Variants in STIL observed in about 807,000 individuals in gnomAD.
STIL encodes the protein SCL-interrupting locus protein.
In STIL, 55 loss-of-function variants were observed where a neutral mutation model predicts 110.1. That is an observed-to-expected ratio of 0.50 (90% CI 0.40 to 0.63). STIL has a LOEUF of 0.63. Ranked by LOEUF, STIL falls within the 20% of genes least tolerant of loss-of-function variation. The pLI, the probability that STIL is intolerant of heterozygous loss-of-function variation, is 0.00. For synonymous variants in STIL, 481 were observed against 530.0 expected (o/e 0.91, Z 1.27); for missense variants, 1,358 against 1,530.0 (o/e 0.89, Z 1.87).
intron 2 of STIL, among the ~76,000 whole-genome samples, chr1:47,309,085 G>A (rs2149267139): frequency 6.6e-6 from 1 of 151,838 alleles, no homozygotes; most frequent in East Asian, 1.9e-4. Flanking sequence ...AATTAAAAGT[G>A]TACAGTTGGA....
intron 1 of STIL, among the ~76,000 whole-genome samples, chr1:47,313,575 TC>T (rs1205870799): frequency 7.1e-6 from 1 of 141,420 alleles, no homozygotes. Context: ...GAATGTCACT[TC>T]CTCTGTGAAA....
intron 16 of STIL, among the ~76,000 whole-genome samples, chr1:47,255,874 G>A (rs1389133052): frequency 6.6e-6 from 1 of 152,120 alleles, no homozygotes; most frequent in Non-Finnish European, 1.5e-5. Context: ...CAGGAAAATA[G>A]AAAGCAGGTC....
At chr1:47,301,228 C>G (rs1194787759) in intron 5 of STIL, among the ~76,000 whole-genome samples, 1 of 152,062 alleles carries the variant, frequency 6.6e-6, no homozygotes, top group Non-Finnish European at 1.5e-5. Flanking sequence ...AAGACAGGAG[C>G]CACCATGCCC....
intron 14 of STIL, among the ~76,000 whole-genome samples, chr1:47,266,578 G>C (rs1305695058): frequency 6.6e-6 from 1 of 152,108 alleles, no homozygotes; most frequent in Admixed American, 6.5e-5. Flanking sequence ...TGCCTAGCCT[G>C]GTCTTGAATT....
chr1:47,310,307 A>G lies in STIL; in HGVS notation c.13T>C (p.Tyr5His), dbSNP rs1646085213. 3 of 1,613,162 alleles carry G rather than the reference A, an allele frequency of 1.9e-6. No homozygotes were observed. The highest frequency in any genetic ancestry group is 2.2e-5 in the South Asian group (2 of 91,048). Residue 5 changes from tyrosine (Y) to histidine (H), a missense_variant, in exon 2 of 17, where the codon TAT (tyrosine) becomes CAT (histidine). Transcript: ENST00000371877. Reference protein sequence around the residue: MEPIYPFARPQMNTR... With the variant: MEPIHPFARPQMNTR... ...TTCATCTGGGGCCGTGCAAAAGGAT[A>G]TATAGGCTCCATGATGTCTGGTGAA...
At chr1:47,263,501 C>T (rs1644542159) in intron 14 of STIL, among the ~76,000 whole-genome samples, 1 of 152,168 alleles carries the variant, frequency 6.6e-6, no homozygotes, top group Non-Finnish European at 1.5e-5. Flanking sequence ...TATGATTGTA[C>T]CACTGCACTC....
chr1:47,303,512 C>A lies in STIL; in HGVS notation c.153-1166G>T, dbSNP rs1192650762. Among the ~76,000 whole-genome samples the A allele has an allele frequency of 3.3e-5, 5 of 152,142 alleles. No individual in the cohort carries two copies. In the East Asian group the frequency reaches 9.6e-4, roughly 29 times the overall value. ...CATGGGAGGCGGAGGTTGCAGTGAG[C>A]CAACATCACGCCACTGCACTCCAGC... On this transcript the variant is annotated intron_variant, in intron 3 of 16. Coordinates refer to ENST00000371877, the MANE Select transcript of STIL (RefSeq NM_001048166.1).
chr1:47,272,045 T>A, intron 13 of STIL, 31 bp downstream of exon 13: 1 of 1,608,976 alleles, frequency 6.2e-7, no homozygotes, highest in Non-Finnish European at 8.5e-7. Context: ...TTTAACAATT[T>A]CCTTACAAAT....
At position 47,250,406 on chromosome 1, in the gene STIL, T is replaced by C. The variant is rs184977531; in HGVS notation, c.*730A>G. The C allele has an allele frequency of 5.2e-4, 89 of 171,808 alleles. 2 individuals are homozygous for C. The East Asian group carries it at 7.6e-3, about 15-fold the overall frequency. The allele number at this position is 171,808 out of a possible 1,614,324, so 10.6% of individuals were successfully genotyped here. A position where few individuals can be genotyped will look rare whatever the true frequency, so the allele number is the denominator to read the frequency against. The stretch of plus-strand genomic sequence containing the variant: ...GTTTTTATTAAGTTGTTTTTAAAAA[T>C]AACTTTTCCCTTAAACTTAGGAAGG... On this transcript the variant is annotated 3_prime_UTR_variant, in exon 17 of 17. Coordinates refer to ENST00000371877, the MANE Select transcript of STIL (RefSeq NM_001048166.1).
intron 2 of STIL, chr1:47,305,286 C>T (rs1170112183): frequency 6.9e-6 from 2 of 291,470 alleles, no homozygotes; most frequent in Non-Finnish European, 6.4e-6. Flanking sequence ...CCACCACACC[C>T]GGCTACTTTT....
At chr1:47,269,111 C>A (rs903879081) in intron 14 of STIL, among the ~76,000 whole-genome samples, 1 of 150,452 alleles carries the variant, frequency 6.6e-6, no homozygotes, top group Non-Finnish European at 1.5e-5. Flanking sequence ...AAAAAAATTT[C>A]TCCATCTGTA....
intron 7 of STIL, among the ~76,000 whole-genome samples, chr1:47,294,085 G>A (rs1330396649): frequency 6.6e-6 from 1 of 152,198 alleles, no homozygotes; most frequent in Admixed American, 6.5e-5. Flanking sequence ...ATGGTCCAGA[G>A]AACATTCATG....
chr1:47,302,221 A>T lies in STIL; in HGVS notation c.265+13T>A, dbSNP rs375926591. 6.3e-7 allele frequency: 1 copy of T among 1,593,172 alleles called. No homozygotes were observed. The highest frequency in any genetic ancestry group is 2.2e-5 in the East Asian group (1 of 44,784). ...CAGGCGTGAGCACTGGTCCATTTTT[A>T]AAAGTGTATTACCTTCGTCTGCTGT... On this transcript the variant is annotated intron_variant, in intron 4 of 16. Transcript: ENST00000371877.
Position 47,295,930 on chromosome 1 carries a change from C to T in STIL, c.702-82G>A, listed in dbSNP as rs1010453541. 3 of 1,025,892 alleles carry T rather than the reference C, an allele frequency of 2.9e-6. No homozygotes were observed. In the African/African-American group the frequency reaches 4.7e-5, roughly 16 times the overall value. 63.5% of individuals were successfully genotyped at this position (1,025,892 alleles called of 1,614,324 possible). A position where few individuals can be genotyped will look rare whatever the true frequency, so the allele number is the denominator to read the frequency against. On this transcript the variant is annotated intron_variant, in intron 6 of 16. Coordinates refer to ENST00000371877, the MANE Select transcript of STIL (RefSeq NM_001048166.1). The stretch of plus-strand genomic sequence containing the variant: ...GACATAATCTAAATGCTGAAGCATA[C>T]TTTAGAAAGGGGAGATAATTCAAAT...
intron 14 of STIL, among the ~76,000 whole-genome samples, chr1:47,264,743 G>A (rs187653041): frequency 1.2e-3 from 188 of 152,264 alleles, no homozygotes; most frequent in African/African-American, 4.3e-3. Flanking sequence ...AAGGATCCCA[G>A]AGAAGCACCA....
chr1:47,305,839 C>G (rs904381114), intron 2 of STIL, among the ~76,000 whole-genome samples: 23 of 146,674 alleles, frequency 1.6e-4, no homozygotes, highest in African/African-American at 5.5e-4. Context: ...TCAAGTGATC[C>G]TCCCACCTCA....
chr1:47,304,384 A>T (rs1179909500), intron 3 of STIL, among the ~76,000 whole-genome samples: 1 of 152,040 alleles, frequency 6.6e-6, no homozygotes, highest in Non-Finnish European at 1.5e-5. Context: ...TCTTGAAGCT[A>T]GGCTGACTCA....
chr1:47,269,522 C>T lies in STIL; in HGVS notation c.2615+113G>A. ...GTTGGTCTGATTTAATCATTCCATACTGTAAACATGCATCTAAACATTGTG... is the reference window on the plus strand; with the variant it reads ...GTTGGTCTGATTTAATCATTCCATATTGTAAACATGCATCTAAACATTGTG... On this transcript the variant is annotated intron_variant, in intron 14 of 16. Transcript: ENST00000371877. 4.0e-6 allele frequency: 3 copies of T among 751,422 alleles called. No individual in the cohort carries two copies. The South Asian group carries it at 4.9e-5, about 12-fold the overall frequency. 46.5% of individuals were successfully genotyped at this position (751,422 alleles called of 1,614,324 possible).
intron 14 of STIL, among the ~76,000 whole-genome samples, chr1:47,265,783 C>CAAAAA (rs1179019596): frequency 4.0e-4 from 26 of 65,600 alleles, no homozygotes; most frequent in African/African-American, 5.7e-4. Flanking sequence ...AAGACTGTCT[C>CAAAAA]AAAAAAAAAA....
Sources: gnomAD v4.1 joint callset for allele counts (sites outside exome capture counted in the v4.1 genomes callset) on GRCh38, gnomAD v4.1.1 for gene constraint, MANE v1.5 for transcripts, NCBI Gene and HGNC (gene_info 2026-07-23, HGNC 2026-07-21) for gene names.